GPHN: variants seen among roughly 807,000 people sequenced by gnomAD.
The protein encoded by GPHN is gephyrin.
GPHN carries 17 observed loss-of-function variants against 95.5 expected under a neutral mutation model. That is an observed-to-expected ratio of 0.18 (90% CI 0.12 to 0.27). The LOEUF is 0.27. Among genes scored for constraint, GPHN ranks in the 10% least tolerant of loss-of-function variants. The pLI is 1.00. For synonymous variants in GPHN, 320 were observed against 322.5 expected (o/e 0.99, Z 0.08); for missense variants, 660 against 978.1 (o/e 0.67, Z 4.34).
chr14:67,288,132 T>G, the GPHN span, among the ~76,000 whole-genome samples: 1 of 151,934 alleles, frequency 6.6e-6, no homozygotes, highest in Admixed American at 6.6e-5. Flanking sequence ...CAGGCTGGAG[T>G]GCAGTGGTGC....
chr14:66,678,550 A>G (rs550329886), intron 1 of GPHN, among the ~76,000 whole-genome samples: 5 of 151,178 alleles, frequency 3.3e-5, no homozygotes, highest in Non-Finnish European at 7.4e-5. Flanking sequence ...TTAAAAGATT[A>G]TTATTTAAAT....
At chr14:66,802,902 T>A (rs1566961591) in intron 3 of GPHN, among the ~76,000 whole-genome samples, 2 of 152,118 alleles carry the variant, frequency 1.3e-5, no homozygotes, top group Non-Finnish European at 2.9e-5. Flanking sequence ...AGCCACAAGC[T>A]GTGCATCCTG....
the GPHN span, among the ~76,000 whole-genome samples, chr14:67,638,536 C>G: frequency 2.6e-5 from 4 of 152,178 alleles, no homozygotes; most frequent in Admixed American, 1.3e-4. Context: ...TTTGACGCCC[C>G]TGATCCTCAG....
the GPHN span, chr14:67,642,430 C>G: frequency 6.5e-7 from 1 of 1,538,782 alleles, no homozygotes; most frequent in South Asian, 1.2e-5. Flanking sequence ...AACTTAGCTT[C>G]TTTATCTGTT....
intron 4 of GPHN, among the ~76,000 whole-genome samples, chr14:66,857,860 G>A (rs1366292414): frequency 6.6e-6 from 1 of 152,160 alleles, no homozygotes; most frequent in African/African-American, 2.4e-5. Flanking sequence ...ATTTGGGAGA[G>A]GAACAGCACA....
At chr14:67,321,210 G>A in the GPHN span, 19 of 1,614,156 alleles carry the variant, frequency 1.2e-5, no homozygotes, top group South Asian at 1.4e-4. Context: ...GATTCTGTAC[G>A]GCAAGTGATC....
At chr14:66,631,317 G>T (rs913251446) in intron 1 of GPHN, among the ~76,000 whole-genome samples, 1 of 152,066 alleles carries the variant, frequency 6.6e-6, no homozygotes, top group East Asian at 1.9e-4. Context: ...AAAGTGCTGG[G>T]ATTACAGGCA....
At chr14:67,457,771 T>C in the GPHN span, among the ~76,000 whole-genome samples, 2 of 152,026 alleles carry the variant, frequency 1.3e-5, no homozygotes, top group Admixed American at 6.5e-5. Context: ...AAACAGGAAA[T>C]CTCTTTGGAA....
chr14:67,399,878 A>G, the GPHN span, among the ~76,000 whole-genome samples: 1 of 152,236 alleles, frequency 6.6e-6, no homozygotes, highest in South Asian at 2.1e-4. Context: ...ATCAGAAAGG[A>G]ATGAGTTTAG....
chr14:66,906,853 T>C (rs967661067), intron 5 of GPHN, among the ~76,000 whole-genome samples: 2 of 152,230 alleles, frequency 1.3e-5, no homozygotes, highest in Non-Finnish European at 2.9e-5. Context: ...ATAATTTCAA[T>C]TCTTTTAAAT....
At chr14:66,661,107 A>G (rs960680391) in intron 1 of GPHN, among the ~76,000 whole-genome samples, 10 of 152,198 alleles carry the variant, frequency 6.6e-5, no homozygotes, top group Admixed American at 4.6e-4. Context: ...GGGAGCTTGG[A>G]CATCCATATT....
chr14:67,195,798 C>T, the GPHN span, among the ~76,000 whole-genome samples: 1 of 150,844 alleles, frequency 6.6e-6, no homozygotes, highest in Admixed American at 6.6e-5. Context: ...GGCTGGAGTG[C>T]AGTGGCACGA....
At chr14:67,610,326 C>A in the GPHN span, among the ~76,000 whole-genome samples, 1 of 152,068 alleles carries the variant, frequency 6.6e-6, no homozygotes, top group Non-Finnish European at 1.5e-5. Flanking sequence ...GCCAAGATAA[C>A]TATAAGAGGA....
chr14:67,656,319 C>T, the GPHN span: 6 of 1,147,228 alleles, frequency 5.2e-6, no homozygotes, highest in East Asian at 5.4e-5. Context: ...TCCCTGAATA[C>T]AGAACTGCTG....
chr14:66,678,868 G>A (rs1346562731), intron 1 of GPHN, among the ~76,000 whole-genome samples: 1 of 152,144 alleles, frequency 6.6e-6, no homozygotes, highest in Non-Finnish European at 1.5e-5. Context: ...AGTTTCCCTA[G>A]GGCGTTCAGG....
At chr14:67,585,901 C>T in the GPHN span, 1 of 1,570,162 alleles carries the variant, frequency 6.4e-7, no homozygotes. Context: ...GTTCCTAGCT[C>T]AGGGGACAGG....
At chr14:67,628,254 C>T in the GPHN span, among the ~76,000 whole-genome samples, 1 of 152,164 alleles carries the variant, frequency 6.6e-6, no homozygotes, top group Non-Finnish European at 1.5e-5. Flanking sequence ...CACTATGTTG[C>T]CCAGGCTGGA....
At position 66,894,876 on chromosome 14, in the gene GPHN, A is replaced by G. The variant is rs143341258; in HGVS notation, c.389+14843A>G. On this transcript the variant is annotated intron_variant, in intron 5 of 22. Transcript: ENST00000478722. ...GGAAACAACAGGTGCTGAAGAGGAC[A>G]TGGAGAAATAGGAACACTTTTACAC... Among the ~76,000 whole-genome samples, 476 of 152,278 alleles carry G rather than the reference A, an allele frequency of 3.1e-3. 11 individuals carry two copies. The highest frequency in any genetic ancestry group is 0.011 in the African/African-American group (447 of 41,566).
chr14:67,303,135 A>G, the GPHN span, among the ~76,000 whole-genome samples: 3 of 152,236 alleles, frequency 2.0e-5, no homozygotes, highest in Non-Finnish European at 4.4e-5. Context: ...TTATTAAGAT[A>G]CAGAAATAGC....
Sources: allele counts gnomAD v4.1 joint callset (sites outside exome capture counted in the v4.1 genomes callset), GRCh38; gene constraint gnomAD v4.1.1; transcripts MANE v1.5; gene names NCBI Gene and HGNC (gene_info 2026-07-23, HGNC 2026-07-21).